The following ROBO1 variants were observed in gnomAD, a reference collection of about 807,000 sequenced individuals.
The protein encoded by ROBO1 is roundabout homolog 1.
In ROBO1, 149 loss-of-function variants were observed where a neutral mutation model predicts 195.9. The observed-to-expected ratio is 0.76, with a 90% confidence interval of 0.67 to 0.87. ROBO1 has a LOEUF of 0.87. ROBO1 is among the 40% of genes least tolerant of loss of function. The pLI is 0.00. For missense variants in ROBO1, 1,933 were observed against 2,068.3 expected (o/e 0.93, Z 1.27); for synonymous variants, 816 against 733.2 (o/e 1.11, Z -1.82).
chr3:79,051,271 A>T (rs1415053032), intron 3 of ROBO1, among the ~76,000 whole-genome samples: 1 of 152,216 alleles, frequency 6.6e-6, no homozygotes, highest in Non-Finnish European at 1.5e-5. Context: ...AGAGAATACT[A>T]TGAACATCTC....
intron 2 of ROBO1, among the ~76,000 whole-genome samples, chr3:79,322,952 T>C (rs900939846): frequency 5.3e-5 from 8 of 152,198 alleles, no homozygotes; most frequent in African/African-American, 1.7e-4. Flanking sequence ...CTGGTAAATG[T>C]ATAGGGAAAA....
intron 5 of ROBO1, among the ~76,000 whole-genome samples, chr3:78,721,969 G>GA (rs890903413): frequency 2.0e-5 from 3 of 152,006 alleles, no homozygotes; most frequent in African/African-American, 7.2e-5. Flanking sequence ...TCACAGACAT[G>GA]AAAAAATTCC....
chr3:79,038,587 AT>A (rs1408063565), intron 3 of ROBO1, among the ~76,000 whole-genome samples: 1 of 151,944 alleles, frequency 6.6e-6, no homozygotes, highest in East Asian at 1.9e-4. Context: ...TGATTTTGTA[AT>A]TTTTTTCCTC....
chr3:78,718,154 G>A (rs958345900), intron 5 of ROBO1, among the ~76,000 whole-genome samples: 1 of 151,930 alleles, frequency 6.6e-6, no homozygotes, highest in South Asian at 2.1e-4. Context: ...TTGCCCAATC[G>A]GCCAAGTTAT....
intron 4 of ROBO1, among the ~76,000 whole-genome samples, chr3:78,829,921 TA>T (rs1182973804): frequency 6.6e-6 from 1 of 152,070 alleles, no homozygotes; most frequent in Non-Finnish European, 1.5e-5. Flanking sequence ...TTTAAAAACA[TA>T]AAAACAGAGA....
In ROBO1 at chr3:79,169,505, G is replaced by T. The variant is rs184797920; in HGVS notation, c.89-43966C>A. Among the ~76,000 whole-genome samples, 389 of 152,168 alleles carry T rather than the reference G, an allele frequency of 2.6e-3. 5 individuals are homozygous for T. Among genetic ancestry groups the T allele is most frequent in the East Asian group, 3.9e-3 (20 of 5,174 alleles). The stretch of plus-strand genomic sequence containing the variant: ...TACAAGGGCAGAAGAATTTTCAAAT[G>T]AAATCCAGATAGCTGAGTAATTACT... On this transcript the variant is annotated intron_variant, in intron 2 of 30. Coordinates refer to ENST00000464233, the MANE Select transcript of ROBO1 (RefSeq NM_002941.4).
chr3:79,378,620 T>C (rs2036463941), intron 2 of ROBO1, among the ~76,000 whole-genome samples: 1 of 152,262 alleles, frequency 6.6e-6, no homozygotes, highest in Admixed American at 6.5e-5. Flanking sequence ...TGTAAAATTA[T>C]GTTATTTCTT....
intron 2 of ROBO1, among the ~76,000 whole-genome samples, chr3:79,254,794 A>G (rs1231617996): frequency 6.6e-6 from 1 of 152,168 alleles, no homozygotes; most frequent in African/African-American, 2.4e-5. Context: ...TAAAGTTCAT[A>G]GTAACCAAGA....
intron 2 of ROBO1, among the ~76,000 whole-genome samples, chr3:79,184,973 C>G (rs897818350): frequency 3.9e-5 from 6 of 152,122 alleles, no homozygotes; most frequent in Non-Finnish European, 7.4e-5. Flanking sequence ...CAGCCAGACT[C>G]TTCCATGTCC....
intron 2 of ROBO1, among the ~76,000 whole-genome samples, chr3:79,262,564 G>A (rs1182469190): frequency 1.3e-5 from 2 of 151,738 alleles, no homozygotes; most frequent in African/African-American, 2.4e-5. Flanking sequence ...AATAAAGGAA[G>A]TATAAACTTG....
At chr3:79,555,690 C>A (rs1276052534) in intron 2 of ROBO1, among the ~76,000 whole-genome samples, 1 of 152,098 alleles carries the variant, frequency 6.6e-6, no homozygotes, top group African/African-American at 2.4e-5. Context: ...GGCTTGGTTA[C>A]ATGGTTAAGA....
intron 4 of ROBO1, among the ~76,000 whole-genome samples, chr3:78,836,608 G>T (rs550515276): frequency 2.1e-4 from 32 of 151,388 alleles, no homozygotes; most frequent in South Asian, 1.3e-3. Context: ...ATAATAATAA[G>T]AAGAATAACT....
At position 78,618,017 on chromosome 3, in the gene ROBO1, T is replaced by G. The variant is rs760819159; in HGVS notation, c.3900A>C (p.Pro1300=). 1 of 1,613,130 alleles carries G rather than the reference T, an allele frequency of 6.2e-7. No homozygotes were observed. The highest frequency in any genetic ancestry group is 2.2e-5 in the East Asian group (1 of 44,852). ...GTGGAGGGGAGATCGGCCGTGGTGGTGGAGGAGGACTCACAGGCTGCCGTC... is the reference window on the plus strand; with the variant it reads ...GTGGAGGGGAGATCGGCCGTGGTGGGGGAGGAGGACTCACAGGCTGCCGTC... ...DRRRQPVSPP[P]PPRPISPPHT... Residue 1300 remains proline (P), a synonymous_variant, in exon 27 of 31, where the codon CCA becomes CCC. Coordinates refer to ENST00000464233, the MANE Select transcript of ROBO1 (RefSeq NM_002941.4).
At chr3:78,782,596 A>C (rs72892483) in intron 4 of ROBO1, among the ~76,000 whole-genome samples, 3,682 of 152,272 alleles carry the variant, frequency 0.024, 130 homozygotes, top group African/African-American at 0.084. Context: ...CCTAGGCTGA[A>C]ATATTTTCCT....
chr3:78,868,735 G>GA lies in ROBO1; in HGVS notation c.499+69865dup, dbSNP rs549608219. Reference sequence around the variant, plus strand: ...TGCACTCAAGCACAGCATAAAAGGGGAAAAAAACACACTTGGTACATCACA... The same window carrying GA: ...TGCACTCAAGCACAGCATAAAAGGGGAAAAAAAACACACTTGGTACATCACA... On this transcript the variant is annotated intron_variant, in intron 4 of 30. Transcript: ENST00000464233. 1.6e-3 allele frequency among the ~76,000 whole-genome samples: 244 copies of GA among 152,072 alleles called. 1 individual carries two copies. The highest frequency in any genetic ancestry group is 4.8e-3 in the African/African-American group (199 of 41,530).
chr3:79,574,646 C>T (rs903348869), intron 2 of ROBO1, among the ~76,000 whole-genome samples: 1 of 151,808 alleles, frequency 6.6e-6, no homozygotes, highest in African/African-American at 2.4e-5. Context: ...GGTTATCTAA[C>T]ACTATGTTTT....
rs377623065 is a variant in ROBO1, at chr3:79,098,188, A to G, written c.172+27268T>C. On this transcript the variant is annotated intron_variant, in intron 3 of 30. Coordinates refer to ENST00000464233, the MANE Select transcript of ROBO1 (RefSeq NM_002941.4). ...GACCCATATGTCTGCTCACTTTCCA[A>G]TTGTACACACTGTTATCATTGTGGA... Among the ~76,000 whole-genome samples, 35 of 151,940 alleles carry G rather than the reference A, an allele frequency of 2.3e-4. 1 individual carries two copies. The highest frequency in any genetic ancestry group is 7.5e-4 in the African/African-American group (31 of 41,522).
At chr3:79,293,745 C>A (rs955212468) in intron 2 of ROBO1, among the ~76,000 whole-genome samples, 3 of 152,110 alleles carry the variant, frequency 2.0e-5, no homozygotes, top group African/African-American at 7.2e-5. Context: ...CTACCATTGA[C>A]TTTCTTCACA....
At chr3:78,919,702 T>TCACA (rs2038831488) in intron 4 of ROBO1, among the ~76,000 whole-genome samples, 1 of 152,190 alleles carries the variant, frequency 6.6e-6, no homozygotes, top group Non-Finnish European at 1.5e-5. Flanking sequence ...TGTCTTTACA[T>TCACA]CACAGAAAAA....
Sources: allele counts gnomAD v4.1 joint callset (sites outside exome capture counted in the v4.1 genomes callset), GRCh38; gene constraint gnomAD v4.1.1; transcripts MANE v1.5; gene names NCBI Gene and HGNC (gene_info 2026-07-23, HGNC 2026-07-21).